Variants in CD9 observed in about 807,000 individuals in gnomAD.
CD9 encodes CD9 antigen.
In CD9, 10 loss-of-function variants were observed where a neutral mutation model predicts 31.4. The ratio of observed to expected loss-of-function variants is 0.32; its 90% CI spans 0.20 to 0.54. The LOEUF is 0.54. Among genes scored for constraint, CD9 ranks in the 20% least tolerant of loss-of-function variants. The pLI is 0.94. For missense variants in CD9, 259 were observed against 300.1 expected, an observed-to-expected ratio of 0.86 and a Z score of 1.01; for synonymous variants, 113 against 114.1, an observed-to-expected ratio of 0.99 and a Z score of 0.06.
At position 6,232,321 on chromosome 12, in the gene CD9, G is replaced by A. The variant is rs927532759; in HGVS notation, c.176-311G>A. ...GACTGGACCAGTTTGCATTCCGAAT[G>A]TAGGGATTCCCGTGGATATTCTCTG... On this transcript the variant is annotated intron_variant, in intron 2 of 7. Transcript: ENST00000009180. This position sits in a 1 kb window ranked among gnomAD's most constrained non-coding sequence, Gnocchi z 4.8. 4.2e-4 allele frequency: 191 copies of A among 449,492 alleles called. 4 individuals are homozygous for A. Among genetic ancestry groups the A allele is most frequent in the South Asian group, 4.1e-3 (185 of 44,804 alleles). 27.8% of individuals were successfully genotyped at this position (449,492 alleles called of 1,614,324 possible).
In CD9 at chr12:6,232,147, G is replaced by C. The variant is rs532363970; in HGVS notation, c.176-485G>C. 3 of 172,028 alleles carry C rather than the reference G, an allele frequency of 1.7e-5. No homozygotes were observed. In the East Asian group the frequency reaches 5.2e-4, roughly 30 times the overall value. The allele number at this position is 172,028 out of a possible 1,614,324, so 10.7% of individuals were successfully genotyped here. On this transcript the variant is annotated intron_variant, in intron 2 of 7. Transcript: ENST00000009180. The surrounding 1 kb of genome is among the most constrained non-coding windows in gnomAD (Gnocchi z 4.8). ...AGTTGGTTCCCCCCACCCCTGGGTA[G>C]GGGGGTGCCTAGGTGTGCACGGCCC...
chr12:6,227,628 G>C (rs1387277329), intron 2 of CD9, among the ~76,000 whole-genome samples: 1 of 152,150 alleles, frequency 6.6e-6, no homozygotes, highest in African/African-American at 2.4e-5. Flanking sequence ...CAGAAACCGA[G>C]GCCTAGAGAG....
At chr12:6,220,450 T>C (rs11568228) in intron 1 of CD9, among the ~76,000 whole-genome samples, 1,836 of 152,122 alleles carry the variant, frequency 0.012, 29 homozygotes, top group African/African-American at 0.041. Context: ...AGTGAGGACT[T>C]GGAGGTGGTT....
intron 3 of CD9, 186 bp from the exon 4 acceptor site, chr12:6,233,224 CCT>C: frequency 1.6e-6 from 1 of 636,820 alleles, no homozygotes; most frequent in Non-Finnish European, 2.8e-6. Context: ...CTCACTGTGG[CCT>C]CTGTCCTGGG....
Position 6,214,898 on chromosome 12 carries a change from GCCAAACGCAGGTT to G in CD9, c.67-10523_67-10511del, listed in dbSNP as rs1352780313. On this transcript the variant is annotated intron_variant, in intron 1 of 7. Coordinates refer to ENST00000009180, the MANE Select transcript of CD9 (RefSeq NM_001769.4). ...CTGGGTGGTGGATGTGCATTTGGGA[GCCAAACGCAGGTT>G]CCAACTTGAGCCCTTTACCATGACT... Among the ~76,000 whole-genome samples the G allele has an allele frequency of 2.0e-5, 3 of 152,256 alleles. No homozygotes were observed. The East Asian group carries it at 5.8e-4, about 29-fold the overall frequency.
intron 1 of CD9, among the ~76,000 whole-genome samples, chr12:6,211,862 T>G (rs1478619179): frequency 1.3e-5 from 2 of 152,268 alleles, no homozygotes; most frequent in Middle Eastern, 3.4e-3. Flanking sequence ...GAGGTTACCT[T>G]GGGCTGGGGC....
chr12:6,200,525 G>A lies in CD9; in HGVS notation c.26G>A (p.Cys9Tyr). 6.2e-7 allele frequency: 1 copy of A among 1,611,296 alleles called. No individual in the cohort carries two copies. Among genetic ancestry groups the A allele is most frequent in the Non-Finnish European group, 8.5e-7 (1 of 1,178,164 alleles). ...ATGCCGGTCAAAGGAGGCACCAAGTGCATCAAATACCTGCTGTTCGGATTT... is the reference window on the plus strand; with the variant it reads ...ATGCCGGTCAAAGGAGGCACCAAGTACATCAAATACCTGCTGTTCGGATTT... MPVKGGTK[C>Y]IKYLLFGFNF... The change falls in exon 1 of 8, where the codon TGC becomes TAC. Residue 9 changes from cysteine (C) to tyrosine (Y), a missense_variant. By Grantham distance (194) the Cys-to-Tyr change is radical. Transcript: ENST00000009180.
Position 6,225,046 on chromosome 12 carries a change from C to T in CD9, c.67-380C>T, listed in dbSNP as rs749089432. On this transcript the variant is annotated intron_variant, in intron 1 of 7. Coordinates refer to ENST00000009180, the MANE Select transcript of CD9 (RefSeq NM_001769.4). Reference sequence around the variant, plus strand: ...CTGTGTGCATCCCTAAACAGCATAGCGTTTTTAACTACATGGAATCATATT... The same window carrying T: ...CTGTGTGCATCCCTAAACAGCATAGTGTTTTTAACTACATGGAATCATATT... The T allele has an allele frequency of 5.1e-5, 10 of 195,826 alleles. No homozygotes were observed. In the South Asian group the frequency reaches 5.8e-4, roughly 11 times the overall value. 12.1% of individuals were successfully genotyped at this position (195,826 alleles called of 1,614,324 possible).
At position 6,223,909 on chromosome 12, in the gene CD9, C is replaced by G. The variant is rs183742066; in HGVS notation, c.67-1517C>G. Among the ~76,000 whole-genome samples, 142 of 152,334 alleles carry G rather than the reference C, an allele frequency of 9.3e-4. 1 individual carries two copies. The highest frequency in any genetic ancestry group is 3.0e-3 in the African/African-American group (124 of 41,566). ...CCTTTTATTAAGAAAGAAAATCAGA[C>G]TCGTCTTTGAACTCAGAACTCTCAA... On this transcript the variant is annotated intron_variant, in intron 1 of 7. Coordinates refer to ENST00000009180, the MANE Select transcript of CD9 (RefSeq NM_001769.4).
At position 6,225,654 on chromosome 12, in the gene CD9, G is replaced by A. The variant is rs1946355608; in HGVS notation, c.175+120G>A. ...TGGGAAAGACTTTTGCTCTAGCCAC[G>A]CTGGCCAGTCGTGTCCCTTTCAAGT... On this transcript the variant is annotated intron_variant, in intron 2 of 7. Coordinates refer to ENST00000009180, the MANE Select transcript of CD9 (RefSeq NM_001769.4). The A allele has an allele frequency of 7.7e-6, 5 of 652,448 alleles. No homozygotes were observed. In the Admixed American group the frequency reaches 9.6e-5, roughly 12 times the overall value. 40.4% of individuals were successfully genotyped at this position (652,448 alleles called of 1,614,324 possible). A position where few individuals can be genotyped will look rare whatever the true frequency, so the allele number is the denominator to read the frequency against.
intron 1 of CD9, 173 bp downstream of exon 1, chr12:6,200,738 C>A (rs1946065544): frequency 2.1e-6 from 1 of 484,928 alleles, no homozygotes; most frequent in Non-Finnish European, 3.6e-6. Context: ...GGGTCCAGAG[C>A]CGGGCGGGAC....
intron 1 of CD9, among the ~76,000 whole-genome samples, chr12:6,202,171 A>G (rs1208585427): frequency 4.6e-5 from 7 of 152,144 alleles, no homozygotes; most frequent in East Asian, 1.9e-4. Context: ...AGTTTTTCCA[A>G]TTTGCAGAGA....
chr12:6,226,831 C>T (rs1946373418), intron 2 of CD9, among the ~76,000 whole-genome samples: 1 of 152,206 alleles, frequency 6.6e-6, no homozygotes, highest in African/African-American at 2.4e-5. Flanking sequence ...TTTTGGGAGT[C>T]TGTGACAGGC....
Position 6,236,431 on chromosome 12 carries a change from CAGAG to C in CD9, c.621+159_621+162del, listed in dbSNP as rs2136641641. ...ATTTTACCACTAGGGAATGGAGAGA[CAGAG>C]AGGCCGATGTTCTGATCAAAGCCTC... On this transcript the variant is annotated intron_variant, in intron 7 of 7. Transcript: ENST00000009180. 4.5e-6 allele frequency: 3 copies of C among 660,154 alleles called. 1 individual carries two copies. The highest frequency in any genetic ancestry group is 2.7e-5 in the East Asian group (1 of 36,490). 40.9% of individuals were successfully genotyped at this position (660,154 alleles called of 1,614,324 possible).
chr12:6,201,620 A>G (rs1291656228), intron 1 of CD9, among the ~76,000 whole-genome samples: 2 of 152,266 alleles, frequency 1.3e-5, no homozygotes, highest in Non-Finnish European at 2.9e-5. Context: ...CCTTGTTTCT[A>G]TAGCCACATT....
chr12:6,236,754 C>G (rs1946528405), intron 7 of CD9: 2 of 325,392 alleles, frequency 6.1e-6, no homozygotes, highest in South Asian at 2.8e-4. Flanking sequence ...GGGGTCATGT[C>G]CTCTCTTCCC....
chr12:6,219,036 C>T (rs1303837180), intron 1 of CD9, among the ~76,000 whole-genome samples: 1 of 152,090 alleles, frequency 6.6e-6, no homozygotes, highest in African/African-American at 2.4e-5. Flanking sequence ...GATGGAGTCT[C>T]GCTGTGTCAC....
intron 1 of CD9, among the ~76,000 whole-genome samples, chr12:6,207,082 A>G (rs1480217734): frequency 2.0e-5 from 3 of 152,010 alleles, no homozygotes; most frequent in South Asian, 2.1e-4. Flanking sequence ...GGGTCTCTCT[A>G]TGTCGCCCAA....
At chr12:6,233,871 C>T (rs1946483104) in intron 4 of CD9, among the ~76,000 whole-genome samples, 1 of 151,218 alleles carries the variant, frequency 6.6e-6, no homozygotes, top group African/African-American at 2.4e-5. Context: ...CTATAAATAA[C>T]ATGTTCAAGT....
Sources: allele counts gnomAD v4.1 joint callset (sites outside exome capture counted in the v4.1 genomes callset), GRCh38; gene constraint gnomAD v4.1.1; non-coding constraint Gnocchi (gnomAD v3.1); transcripts MANE v1.5; gene names NCBI Gene and HGNC (gene_info 2026-07-23, HGNC 2026-07-21).